KCNK2: variants seen among roughly 807,000 people sequenced by gnomAD.
KCNK2 encodes the protein potassium channel subfamily K member 2.
In KCNK2, 21 loss-of-function variants were observed where a neutral mutation model predicts 40.5. The ratio of observed to expected loss-of-function variants is 0.52; its 90% CI spans 0.37 to 0.75. The LOEUF is 0.75. Among genes scored for constraint, KCNK2 ranks in the 30% least tolerant of loss-of-function variants. The probability of loss-of-function intolerance (pLI) is 0.00; values close to 1 mark genes in which losing one functional copy is unlikely to be tolerated. For synonymous variants in KCNK2, 191 were observed against 202.2 expected, an observed-to-expected ratio of 0.94 and a Z score of 0.47; for missense variants, 399 against 531.6, an observed-to-expected ratio of 0.75 and a Z score of 2.45.
At chr1:215,132,433 G>A (rs1187013543) in intron 3 of KCNK2, among the ~76,000 whole-genome samples, 3 of 152,142 alleles carry the variant, frequency 2.0e-5, no homozygotes, top group Non-Finnish European at 4.4e-5. Context: ...ATTGTGTATT[G>A]GATTTTGGGA....
chr1:215,028,749 T>C (rs1435027211), intron 1 of KCNK2, among the ~76,000 whole-genome samples: 3 of 152,170 alleles, frequency 2.0e-5, no homozygotes, highest in Admixed American at 6.5e-5. Flanking sequence ...CTCATTAAGA[T>C]AAAGAAAATT....
intron 6 of KCNK2, among the ~76,000 whole-genome samples, chr1:215,203,930 C>T (rs577515020): frequency 3.9e-4 from 55 of 139,580 alleles, no homozygotes; most frequent in African/African-American, 1.2e-3. Context: ...CCCAGCTACT[C>T]GGGAGGCCGA....
chr1:215,086,686 C>T lies in KCNK2; in HGVS notation c.357+8C>T. Reference sequence around the variant, plus strand: ...CTGGATGAACTCATTCAGGTAATGGCATGGGAGGAGTTGTTACTCTGTTCC... The same window carrying T: ...CTGGATGAACTCATTCAGGTAATGGTATGGGAGGAGTTGTTACTCTGTTCC... On this transcript the variant is annotated splice_region_variant and intron_variant, in intron 2 of 6. Coordinates refer to ENST00000444842, the MANE Select transcript of KCNK2 (RefSeq NM_001017425.3). 6.2e-7 allele frequency: 1 copy of T among 1,608,014 alleles called. No homozygotes were observed. Among genetic ancestry groups the T allele is most frequent in the Non-Finnish European group, 8.5e-7 (1 of 1,175,616 alleles).
chr1:215,099,410 A>G (rs1432014417), intron 2 of KCNK2, among the ~76,000 whole-genome samples: 1 of 151,884 alleles, frequency 6.6e-6, no homozygotes, highest in Non-Finnish European at 1.5e-5. Context: ...ATTCTTTTGG[A>G]TTTATTATAC....
chr1:215,162,748 TC>T (rs1663259164), intron 3 of KCNK2, among the ~76,000 whole-genome samples: 1 of 152,168 alleles, frequency 6.6e-6, no homozygotes. Context: ...TGGCATTATA[TC>T]TGAGGCCTCT....
chr1:215,177,732 ATATATATAT>A (rs1346614195), intron 5 of KCNK2, among the ~76,000 whole-genome samples: 8 of 57,996 alleles, frequency 1.4e-4, no homozygotes, highest in African/African-American at 3.7e-4. Context: ...GTATATATAT[ATATATATAT>A]TTTTTTTTTT....
At position 215,102,323 on chromosome 1, in the gene KCNK2, T is replaced by G. The variant is rs567442625; in HGVS notation, c.357+15645T>G. On this transcript the variant is annotated intron_variant, in intron 2 of 6. Transcript: ENST00000444842. ...AATATGTGTGTTTGTGTCTTAGTTT[T>G]CATTAAAACTGTTTGATTTAAAAAG... is the stretch of plus-strand genomic sequence containing the variant. 3.3e-5 allele frequency among the ~76,000 whole-genome samples: 5 copies of G among 152,074 alleles called. No homozygotes were observed. In the South Asian group the frequency reaches 1.0e-3, roughly 32 times the overall value.
intron 1 of KCNK2, among the ~76,000 whole-genome samples, chr1:215,007,135 A>G (rs1384395301): frequency 3.3e-5 from 4 of 121,872 alleles, no homozygotes; most frequent in East Asian, 2.1e-4. Flanking sequence ...ATATATGTGT[A>G]TATATATGTG....
At chr1:215,209,090 G>C (rs1313994358) in intron 6 of KCNK2, among the ~76,000 whole-genome samples, 1 of 150,862 alleles carries the variant, frequency 6.6e-6, no homozygotes, top group East Asian at 1.9e-4. Context: ...GCCTCCCAAA[G>C]TGCTGGGACT....
chr1:215,183,986 C>T (rs1664327229), intron 5 of KCNK2, among the ~76,000 whole-genome samples: 1 of 152,114 alleles, frequency 6.6e-6, no homozygotes, highest in African/African-American at 2.4e-5. Flanking sequence ...ATGAACAAAG[C>T]TTTGCTTTTG....
chr1:215,052,928 T>C (rs905752075), intron 1 of KCNK2, among the ~76,000 whole-genome samples: 2 of 152,146 alleles, frequency 1.3e-5, no homozygotes, highest in South Asian at 2.1e-4. Context: ...GATTCCTCTT[T>C]TTTTCTTTTC....
intron 3 of KCNK2, among the ~76,000 whole-genome samples, chr1:215,155,039 T>C (rs1662855227): frequency 6.6e-6 from 1 of 152,182 alleles, no homozygotes; most frequent in African/African-American, 2.4e-5. Flanking sequence ...AGAATTATTC[T>C]CTTGTCCTTT....
chr1:215,172,186 A>C lies in KCNK2; in HGVS notation c.823+3A>C. On this transcript the variant is annotated splice_donor_region_variant and intron_variant, in intron 5 of 6. Transcript: ENST00000444842. ...TGGATTTGGTGACTACGTTGCAGGT[A>C]AGCTTTTCCTGGCATCCATGTTACT... The C allele has an allele frequency of 6.2e-7, 1 of 1,609,646 alleles. No homozygotes were observed. The highest frequency in any genetic ancestry group is 8.5e-7 in the Non-Finnish European group (1 of 1,177,788).
chr1:215,051,153 G>A (rs1024499328), intron 1 of KCNK2, among the ~76,000 whole-genome samples: 2 of 151,986 alleles, frequency 1.3e-5, no homozygotes, highest in Non-Finnish European at 2.9e-5. Flanking sequence ...ATTTTATACC[G>A]CCACCTCGAA....
In KCNK2 at chr1:215,166,967, G is replaced by GA. The variant is rs113149111; in HGVS notation, c.476-2223dup. Among the ~76,000 whole-genome samples the GA allele has an allele frequency of 5.1e-3, 759 of 150,044 alleles. 2 individuals are homozygous for GA. The highest frequency in any genetic ancestry group is 0.021 in the Middle Eastern group (6 of 292). ...TTCATGGCATAAGAACAGGCTAATG[G>GA]AAAAAAAAAGTCAAAGTTCTTGAAC... On this transcript the variant is annotated intron_variant, in intron 3 of 6. Transcript: ENST00000444842.
intron 6 of KCNK2, among the ~76,000 whole-genome samples, chr1:215,229,448 GAGCTCACA>G (rs1433454328): frequency 6.6e-6 from 1 of 151,964 alleles, no homozygotes; most frequent in Non-Finnish European, 1.5e-5. Flanking sequence ...AGAATCATTT[GAGCTCACA>G]AGATTGAGAC....
intron 1 of KCNK2, among the ~76,000 whole-genome samples, chr1:215,048,734 C>T (rs1031700208): frequency 6.6e-6 from 1 of 152,146 alleles, no homozygotes; most frequent in Admixed American, 6.5e-5. Flanking sequence ...GATTAAAATC[C>T]AGCCCTACTA....
chr1:215,213,245 G>T (rs1665816799), intron 6 of KCNK2, among the ~76,000 whole-genome samples: 1 of 152,072 alleles, frequency 6.6e-6, no homozygotes, highest in South Asian at 2.1e-4. Context: ...TTTTTGAAAG[G>T]AGGCCTAATA....
chr1:215,125,407 T>C (rs1378834370), intron 3 of KCNK2, among the ~76,000 whole-genome samples: 1 of 152,150 alleles, frequency 6.6e-6, no homozygotes, highest in East Asian at 1.9e-4. Context: ...CTGACACATA[T>C]GTTTGACATC....
Sources: allele counts gnomAD v4.1 joint callset (sites outside exome capture counted in the v4.1 genomes callset), GRCh38; gene constraint gnomAD v4.1.1; transcripts MANE v1.5; gene names NCBI Gene and HGNC (gene_info 2026-07-23, HGNC 2026-07-21).